The following CNBD1 variants were observed in gnomAD, a reference collection of about 807,000 sequenced individuals.
CNBD1 encodes the protein cyclic nucleotide-binding domain-containing protein 1.
Under a neutral mutation model 54.4 loss-of-function variants are expected in CNBD1, and 71 were observed. That is an observed-to-expected ratio of 1.30 (90% CI 1.08 to 1.59). The LOEUF (loss-of-function observed/expected upper bound fraction) is 1.59. Ranked by LOEUF, CNBD1 falls within the 40% of genes most tolerant of loss-of-function variation. The pLI, the probability that CNBD1 is intolerant of heterozygous loss-of-function variation, is 0.00. For missense variants in CNBD1, 659 were observed against 518.0 expected, an observed-to-expected ratio of 1.27 and a Z score of -2.64; for synonymous variants, 182 against 170.7, an observed-to-expected ratio of 1.07 and a Z score of -0.51.
intron 5 of CNBD1, among the ~76,000 whole-genome samples, chr8:87,232,048 A>C (rs1807452400): frequency 6.6e-6 from 1 of 152,140 alleles, no homozygotes; most frequent in Non-Finnish European, 1.5e-5. Flanking sequence ...TTTTGTGAAA[A>C]CTTTATTCCA....
At chr8:86,878,473 G>T (rs1808558571) in intron 1 of CNBD1, among the ~76,000 whole-genome samples, 1 of 149,302 alleles carries the variant, frequency 6.7e-6, no homozygotes, top group African/African-American at 2.4e-5. Context: ...AAGGTTCTGT[G>T]TAGTTATTTG....
intron 2 of CNBD1, among the ~76,000 whole-genome samples, chr8:86,889,912 G>T (rs1362773045): frequency 6.6e-6 from 1 of 151,990 alleles, no homozygotes; most frequent in Non-Finnish European, 1.5e-5. Context: ...AAATAAGTTA[G>T]GATAGATATG....
chr8:87,082,716 T>C (rs1278402838), intron 4 of CNBD1, among the ~76,000 whole-genome samples: 1 of 152,128 alleles, frequency 6.6e-6, no homozygotes, highest in Non-Finnish European at 1.5e-5. Flanking sequence ...ATTTAGGTGT[T>C]TAGACCATAT....
chr8:87,014,824 C>T (rs73689994), intron 4 of CNBD1, among the ~76,000 whole-genome samples: 4,773 of 149,656 alleles, frequency 0.032, 230 homozygotes, highest in African/African-American at 0.11. Flanking sequence ...ATAATAGATG[C>T]AAAGAAAGTT....
intron 10 of CNBD1, among the ~76,000 whole-genome samples, chr8:87,373,484 C>T (rs1037032108): frequency 2.6e-5 from 4 of 151,818 alleles, no homozygotes; most frequent in East Asian, 1.9e-4. Context: ...TAATTCTTAA[C>T]ATTCACAGGT....
chr8:86,940,701 G>C (rs2130427762), intron 4 of CNBD1, among the ~76,000 whole-genome samples: 1 of 152,152 alleles, frequency 6.6e-6, no homozygotes, highest in East Asian at 1.9e-4. Context: ...AATTCAACTA[G>C]AATATGTGAT....
chr8:87,370,449 G>C (rs1165092586), intron 10 of CNBD1, among the ~76,000 whole-genome samples: 8 of 152,078 alleles, frequency 5.3e-5, no homozygotes, highest in Non-Finnish European at 1.5e-5. Flanking sequence ...TCTCATTGTG[G>C]TTTTGATTTG....
chr8:86,912,306 C>T (rs924233865), intron 3 of CNBD1, among the ~76,000 whole-genome samples: 1 of 151,896 alleles, frequency 6.6e-6, no homozygotes, highest in Non-Finnish European at 1.5e-5. Flanking sequence ...GGGTGCAGAC[C>T]AAAAATAATG....
At position 87,013,807 on chromosome 8, in the gene CNBD1, T is replaced by C. The variant is rs184987422; in HGVS notation, c.431+74053T>C. ...ATGTTTAATTGGCAGTTAAATGTTT[T>C]AATTTCCCTCTGGCACACCGAACTT... On this transcript the variant is annotated intron_variant, in intron 4 of 10. Transcript: ENST00000518476. 6.9e-3 allele frequency among the ~76,000 whole-genome samples: 1,042 copies of C among 152,052 alleles called. 18 individuals are homozygous for C. The highest frequency in any genetic ancestry group is 0.024 in the African/African-American group (976 of 41,520).
intron 6 of CNBD1, among the ~76,000 whole-genome samples, chr8:87,266,438 C>CTTTTTTTTTTTTTTT (rs72293236): frequency 2.0e-5 from 1 of 50,130 alleles, no homozygotes; most frequent in Non-Finnish European, 3.3e-5. Context: ...AAAAAAAAAT[C>CTTTTTTTTTTTTTTT]TTTTTTTTTT....
At chr8:86,916,044 A>G (rs990986674) in intron 3 of CNBD1, among the ~76,000 whole-genome samples, 2 of 152,138 alleles carry the variant, frequency 1.3e-5, no homozygotes, top group African/African-American at 4.8e-5. Flanking sequence ...CCCATGTGCC[A>G]TCATGGTCTC....
At chr8:87,229,949 C>G (rs1814632944) in intron 5 of CNBD1, among the ~76,000 whole-genome samples, 1 of 152,140 alleles carries the variant, frequency 6.6e-6, no homozygotes, top group Admixed American at 6.5e-5. Flanking sequence ...ATACCTGAGA[C>G]TGGGTAATTT....
In CNBD1 at chr8:87,082,800, T is replaced by C. The variant is rs549434403; in HGVS notation, c.432-123193T>C. Among the ~76,000 whole-genome samples, 12 of 152,302 alleles carry C rather than the reference T, an allele frequency of 7.9e-5. No individual in the cohort carries two copies. The East Asian group carries it at 2.1e-3, about 27-fold the overall frequency. ...TTGTTTTCAAAATGTTCCATCTGTT[T>C]ATTCTTTGGTTTTCTTTTTCTCAAT... On this transcript the variant is annotated intron_variant, in intron 4 of 10. Transcript: ENST00000518476.
chr8:87,397,095 T>C (rs1811421154), intron 2 of CNBD1, among the ~76,000 whole-genome samples: 1 of 152,052 alleles, frequency 6.6e-6, no homozygotes, highest in African/African-American at 2.4e-5. Context: ...ATTTGACTGT[T>C]GCTCATTTTA....
intron 4 of CNBD1, among the ~76,000 whole-genome samples, chr8:86,974,269 G>T (rs1563843682): frequency 6.6e-6 from 1 of 151,948 alleles, no homozygotes; most frequent in Non-Finnish European, 1.5e-5. Flanking sequence ...TTTTTGTTAA[G>T]GATATGATGC....
At chr8:86,977,432 A>G (rs918627926) in intron 4 of CNBD1, among the ~76,000 whole-genome samples, 27 of 150,784 alleles carry the variant, frequency 1.8e-4, no homozygotes, top group Middle Eastern at 3.5e-3. Context: ...ATTTCCAGTG[A>G]TCTATCTTTG....
At chr8:87,404,987 A>T (rs545670315) in intron 2 of CNBD1, among the ~76,000 whole-genome samples, 2 of 152,194 alleles carry the variant, frequency 1.3e-5, no homozygotes, top group Admixed American at 1.3e-4. Flanking sequence ...ATTGAGTTAT[A>T]ACTGGGAAGC....
Position 87,294,515 on chromosome 8 carries a change from C to T in CNBD1, c.1042+7844C>T, listed in dbSNP as rs187789344. 1.4e-4 allele frequency among the ~76,000 whole-genome samples: 22 copies of T among 152,272 alleles called. No individual in the cohort carries two copies. The East Asian group carries it at 4.2e-3, about 29-fold the overall frequency. ...ACATTTCCTGGATTTCTCACTGTCT[C>T]CACTCCAAAGTCTTTTGTGAGTGCA... On this transcript the variant is annotated intron_variant, in intron 8 of 10. Coordinates refer to ENST00000518476, the MANE Select transcript of CNBD1 (RefSeq NM_173538.3).
intron 10 of CNBD1, among the ~76,000 whole-genome samples, chr8:87,354,359 C>A (rs1397751807): frequency 6.6e-6 from 1 of 151,818 alleles, no homozygotes; most frequent in Non-Finnish European, 1.5e-5. Context: ...CAGGCAGGGA[C>A]CTGGGCCTCA....
Sources: allele counts gnomAD v4.1 joint callset (sites outside exome capture counted in the v4.1 genomes callset), GRCh38; gene constraint gnomAD v4.1.1; transcripts MANE v1.5; gene names NCBI Gene and HGNC (gene_info 2026-07-23, HGNC 2026-07-21).